CEP128: variants seen among roughly 807,000 people sequenced by gnomAD.
The protein encoded by CEP128 is centrosomal protein 128kDa.
CEP128 carries 132 observed loss-of-function variants against 156.7 expected under a neutral mutation model. The observed-to-expected ratio is 0.84, with a 90% CI of 0.73 to 0.97. The LOEUF (loss-of-function observed/expected upper bound fraction) is 0.97, where lower values mean the gene tolerates loss of function less well. Among genes scored for constraint, CEP128 ranks in the 50% least tolerant of loss-of-function variants. The pLI is 0.00. For synonymous variants in CEP128, 469 were observed against 448.9 expected (o/e 1.04, Z -0.57); for missense variants, 1,252 against 1,281.9 (o/e 0.98, Z 0.36).
intron 20 of CEP128, among the ~76,000 whole-genome samples, chr14:80,565,868 C>T (rs548335061): frequency 6.6e-6 from 1 of 152,140 alleles, no homozygotes; most frequent in Non-Finnish European, 1.5e-5. Flanking sequence ...CTGGTGAGTA[C>T]AGTTGAAAAG....
At chr14:80,933,470 G>A (rs1885600930) in intron 2 of CEP128, among the ~76,000 whole-genome samples, 1 of 152,146 alleles carries the variant, frequency 6.6e-6, no homozygotes, top group South Asian at 2.1e-4. Context: ...TATATCAGGA[G>A]TCAGCAAATT....
intron 19 of CEP128, among the ~76,000 whole-genome samples, chr14:80,622,874 G>T (rs1367851193): frequency 6.7e-6 from 1 of 149,840 alleles, no homozygotes; most frequent in African/African-American, 2.5e-5. Flanking sequence ...CTGTAAACTA[G>T]TTCAACCATT....
intron 13 of CEP128, chr14:80,822,864 CAA>C: frequency 1.5e-6 from 1 of 667,854 alleles, no homozygotes; most frequent in East Asian, 2.8e-5. Context: ...TATTTTTTAT[CAA>C]GTTTTATAAA....
At chr14:80,573,026 G>A (rs1476852962) in intron 20 of CEP128, among the ~76,000 whole-genome samples, 1 of 151,926 alleles carries the variant, frequency 6.6e-6, no homozygotes, top group Non-Finnish European at 1.5e-5. Context: ...AGGTTCAAGC[G>A]ATTCTCCTGG....
At chr14:80,864,373 A>G (rs1190306310) in intron 8 of CEP128, among the ~76,000 whole-genome samples, 1 of 152,176 alleles carries the variant, frequency 6.6e-6, no homozygotes, top group African/African-American at 2.4e-5. Context: ...ATTAAATTCA[A>G]TAAGTTGAAT....
intron 2 of CEP128, among the ~76,000 whole-genome samples, chr14:80,930,255 C>G (rs148299234): frequency 6.6e-6 from 1 of 152,174 alleles, no homozygotes; most frequent in Non-Finnish European, 1.5e-5. Flanking sequence ...TATCAAAACC[C>G]TATCAGTGAG....
intron 19 of CEP128, among the ~76,000 whole-genome samples, chr14:80,714,185 T>C (rs1490722946): frequency 1.3e-5 from 2 of 152,180 alleles, no homozygotes; most frequent in Admixed American, 1.3e-4. Flanking sequence ...TTCCACTCAC[T>C]AAACAAGGCC....
rs188512111 is a variant in CEP128, at chr14:80,505,034, G to A, written c.3073-14C>T. ...GGTTCTGTCACCCTAAGGAAAAAAA[G>A]GCACAGCATTTCAATGATTACACAA... On this transcript the variant is annotated splice_polypyrimidine_tract_variant and intron_variant, in intron 23 of 24. Transcript: ENST00000555265. The A allele has an allele frequency of 1.4e-3, 1,941 of 1,416,366 alleles. 9 individuals carry two copies. The highest frequency in any genetic ancestry group is 3.0e-3 in the South Asian group (236 of 79,112). The allele number at this position is 1,416,366 out of a possible 1,614,324, so 87.7% of individuals were successfully genotyped here.
intron 19 of CEP128, among the ~76,000 whole-genome samples, chr14:80,698,242 G>A (rs1896955194): frequency 6.6e-6 from 1 of 151,552 alleles, no homozygotes; most frequent in Non-Finnish European, 1.5e-5. Flanking sequence ...TTTAAACATT[G>A]AACACAGTGT....
intron 19 of CEP128, among the ~76,000 whole-genome samples, chr14:80,603,120 TG>T: frequency 6.6e-6 from 1 of 152,340 alleles, no homozygotes; most frequent in East Asian, 1.9e-4. Context: ...TCATTTGTCC[TG>T]GCTCTGGAGT....
At chr14:80,699,760 T>TGGAA (rs754721245) in intron 19 of CEP128, among the ~76,000 whole-genome samples, 64 of 152,194 alleles carry the variant, frequency 4.2e-4, no homozygotes, top group Non-Finnish European at 7.5e-4. Context: ...AGAGAAATTC[T>TGGAA]GTGATTTATC....
At position 80,593,464 on chromosome 14, in the gene CEP128, C is replaced by G. The variant is rs567788534; in HGVS notation, c.2807-13041G>C. ...ACTGAGGCAGGAGAATGGTGTGAAC[C>G]CAGGAGGCGGAGCTTGCAGTGAGCC... On this transcript the variant is annotated intron_variant, in intron 19 of 24. Transcript: ENST00000555265. Among the ~76,000 whole-genome samples, 55 of 151,048 alleles carry G rather than the reference C, an allele frequency of 3.6e-4. No individual in the cohort carries two copies. The South Asian group carries it at 0.011, about 31-fold the overall frequency.
chr14:80,751,405 C>T (rs1050027100), intron 18 of CEP128, among the ~76,000 whole-genome samples: 1 of 152,114 alleles, frequency 6.6e-6, no homozygotes, highest in Non-Finnish European at 1.5e-5. Flanking sequence ...AAATACCCAA[C>T]ATCTTCATTA....
At chr14:80,500,288 G>A (rs540370261) in intron 24 of CEP128, among the ~76,000 whole-genome samples, 1 of 152,254 alleles carries the variant, frequency 6.6e-6, no homozygotes, top group East Asian at 1.9e-4. Flanking sequence ...GAATGCCTTA[G>A]CATCTACAGC....
intron 6 of CEP128, among the ~76,000 whole-genome samples, chr14:80,903,303 T>C (rs540760028): frequency 2.0e-5 from 3 of 152,200 alleles, no homozygotes; most frequent in African/African-American, 2.4e-5. Context: ...TGCATATACA[T>C]GCTAAATAAT....
At chr14:80,628,632 T>C (rs921092686) in intron 19 of CEP128, among the ~76,000 whole-genome samples, 6 of 152,182 alleles carry the variant, frequency 3.9e-5, no homozygotes, top group Non-Finnish European at 1.5e-5. Flanking sequence ...TAGGGCTAAC[T>C]ACGCTGTCTA....
At chr14:80,480,535 A>G (rs946313386) in intron 14 of CEP128, among the ~76,000 whole-genome samples, 8 of 152,030 alleles carry the variant, frequency 5.3e-5, no homozygotes, top group Admixed American at 6.5e-5. Context: ...GGCCCAGGAA[A>G]CCATATTTTC....
At chr14:80,951,151 CA>C (rs1056689058) in intron 2 of CEP128, among the ~76,000 whole-genome samples, 31 of 151,748 alleles carry the variant, frequency 2.0e-4, no homozygotes, top group African/African-American at 7.5e-4. Context: ...ATATGTATGA[CA>C]AAAAAATTAA....
intron 19 of CEP128, among the ~76,000 whole-genome samples, chr14:80,636,497 C>T (rs1173234117): frequency 6.6e-6 from 1 of 152,122 alleles, no homozygotes; most frequent in Non-Finnish European, 1.5e-5. Flanking sequence ...TTTGCAGAAA[C>T]ACATGTTATT....
Sources: gnomAD v4.1 joint callset for allele counts (sites outside exome capture counted in the v4.1 genomes callset) on GRCh38, gnomAD v4.1.1 for gene constraint, MANE v1.5 for transcripts, NCBI Gene and HGNC (gene_info 2026-07-23, HGNC 2026-07-21) for gene names.